The following ITPA variants were observed in gnomAD, a reference collection of about 807,000 sequenced individuals.
The protein encoded by ITPA is inosine triphosphatase.
ITPA carries 29 observed loss-of-function variants against 29.6 expected under a neutral mutation model. That is an observed-to-expected ratio of 0.98 (90% CI 0.73 to 1.34). The LOEUF (loss-of-function observed/expected upper bound fraction) is 1.34. Among genes scored for constraint, ITPA ranks in the 40% most tolerant of loss-of-function variants. ITPA has a pLI of 0.00. For synonymous variants in ITPA, 103 were observed against 99.3 expected (o/e 1.04, Z -0.22); for missense variants, 241 against 251.5 (o/e 0.96, Z 0.28).
At position 3,209,509 on chromosome 20, in the gene ITPA, C is replaced by G. The variant is rs758142239; in HGVS notation, c.-43C>G. On this transcript the variant is annotated 5_prime_UTR_variant, in exon 1 of 8. Coordinates refer to ENST00000380113, the MANE Select transcript of ITPA (RefSeq NM_033453.4). The surrounding 1 kb of genome is among the most constrained non-coding windows in gnomAD (Gnocchi z 4.6). ...GCCGGAAGTTTTCTGTCACTGGACG[C>G]CAAGGAGTTTTCGGTGGCTCAGCTG... is the stretch of plus-strand genomic sequence containing the variant. 1.0e-5 allele frequency: 16 copies of G among 1,583,174 alleles called. No homozygotes were observed. The Admixed American group carries it at 2.7e-4, about 26-fold the overall frequency.
At chr20:3,218,892 GT>G in intron 6 of ITPA, 2 of 540,330 alleles carry the variant, frequency 3.7e-6, no homozygotes, top group East Asian at 6.5e-5. Context: ...CAATGGAAGT[GT>G]TGTCAATTCT....
chr20:3,222,737 C>G (rs1200236195), intron 7 of ITPA, among the ~76,000 whole-genome samples: 1 of 152,234 alleles, frequency 6.6e-6, no homozygotes, highest in East Asian at 1.9e-4. Context: ...CCACAATAGC[C>G]CCAGCAGGGG....
chr20:3,225,627 A>G (rs144470553), downstream of ITPA, among the ~76,000 whole-genome samples: 823 of 152,326 alleles, frequency 5.4e-3, 8 homozygotes, highest in Middle Eastern at 0.034. Flanking sequence ...AATTCTCCGT[A>G]ATAGCCTTTT....
chr20:3,208,124 T>C (rs2067096469), upstream of ITPA, among the ~76,000 whole-genome samples: 2 of 152,140 alleles, frequency 1.3e-5, no homozygotes, highest in East Asian at 3.9e-4. Flanking sequence ...GTCAGTGCTA[T>C]GCAAGCAGAT....
At chr20:3,217,716 G>T (rs1015189366) in intron 5 of ITPA, among the ~76,000 whole-genome samples, 1 of 152,090 alleles carries the variant, frequency 6.6e-6, no homozygotes, top group Non-Finnish European at 1.5e-5. Context: ...CAACCCACCC[G>T]CCTTGGCCTC....
chr20:3,209,408 G>A, upstream of ITPA: 1 of 797,108 alleles, frequency 1.3e-6, no homozygotes, highest in Non-Finnish European at 2.2e-6. The surrounding 1 kb of genome is among the most constrained non-coding windows in gnomAD (Gnocchi z 4.6). Flanking sequence ...CCACTCGCCC[G>A]ATACGCGCCT....
chr20:3,208,689 C>T (rs1310630088), upstream of ITPA, among the ~76,000 whole-genome samples: 2 of 152,184 alleles, frequency 1.3e-5, no homozygotes, highest in Non-Finnish European at 2.9e-5. Context: ...CTTTGATGAG[C>T]ATCAGAATGG....
At chr20:3,206,918 G>C (rs2067075186), upstream of ITPA, among the ~76,000 whole-genome samples, 1 of 152,034 alleles carries the variant, frequency 6.6e-6, no homozygotes, top group African/African-American at 2.4e-5. Flanking sequence ...GGAGGCTGAG[G>C]TGGGAGAACT....
At chr20:3,218,880 G>A (rs964699040) in intron 6 of ITPA, 7 of 560,814 alleles carry the variant, frequency 1.2e-5, no homozygotes, top group African/African-American at 7.5e-5. Context: ...CCCTGGGCAG[G>A]ACAATGGAAG....
upstream of ITPA, among the ~76,000 whole-genome samples, chr20:3,206,294 A>G (rs898859784): frequency 6.8e-6 from 1 of 147,066 alleles, no homozygotes; most frequent in African/African-American, 2.5e-5. Flanking sequence ...AGGCTGAGGC[A>G]GGAGAATCTC....
In ITPA at chr20:3,213,309, C is replaced by A; in HGVS notation, c.125-10C>A. On this transcript the variant is annotated splice_polypyrimidine_tract_variant and intron_variant, in intron 2 of 7. Transcript: ENST00000380113. Reference sequence around the variant, plus strand: ...GACCTGACTTTCTGTGTGTCTGTTTCCCTGATAAGTGCCGGAGTACCAGGG... The same window carrying A: ...GACCTGACTTTCTGTGTGTCTGTTTACCTGATAAGTGCCGGAGTACCAGGG... The A allele has an allele frequency of 6.2e-7, 1 of 1,614,104 alleles. No homozygotes were observed.
intron 7 of ITPA, among the ~76,000 whole-genome samples, chr20:3,222,184 C>T (rs758719165): frequency 6.6e-6 from 1 of 151,304 alleles, no homozygotes; most frequent in Non-Finnish European, 1.5e-5. Flanking sequence ...CCAGTGGTTT[C>T]GCCTTTCTGG....
chr20:3,204,528 A>T (rs41281856), upstream of ITPA: 230,068 of 1,554,756 alleles, frequency 0.15, 18,627 homozygotes, highest in Non-Finnish European at 0.16. Flanking sequence ...GTGCAGCGGC[A>T]TCTCCTACCT....
upstream of ITPA, chr20:3,209,487 G>A: frequency 6.8e-7 from 1 of 1,469,906 alleles, no homozygotes; most frequent in Non-Finnish European, 9.5e-7. This position sits in a 1 kb window ranked among gnomAD's most constrained non-coding sequence, Gnocchi z 4.6. Flanking sequence ...GCCACCAGCC[G>A]GAAGTTTTCT....
At chr20:3,211,152 C>T (rs2067162951) in intron 1 of ITPA, among the ~76,000 whole-genome samples, 1 of 146,638 alleles carries the variant, frequency 6.8e-6, no homozygotes, top group Non-Finnish European at 1.5e-5. Context: ...AACACTTGGC[C>T]TAGAACAGGT....
downstream of ITPA, among the ~76,000 whole-genome samples, chr20:3,226,257 G>T (rs1322408048): frequency 6.6e-6 from 1 of 152,152 alleles, no homozygotes; most frequent in Non-Finnish European, 1.5e-5. The surrounding 1 kb of genome is among the most constrained non-coding windows in gnomAD (Gnocchi z 4.4). Flanking sequence ...CAGTTAGGTT[G>T]AATTGAATTG....
chr20:3,212,435 C>T (rs930585391), intron 1 of ITPA, among the ~76,000 whole-genome samples: 12 of 152,010 alleles, frequency 7.9e-5, no homozygotes, highest in African/African-American at 4.8e-5. Flanking sequence ...ATCCTCCTGC[C>T]CCAGCCTCTT....
intron 5 of ITPA, among the ~76,000 whole-genome samples, chr20:3,216,731 C>T (rs753328702): frequency 2.0e-5 from 3 of 152,046 alleles, no homozygotes; most frequent in Admixed American, 6.6e-5. Context: ...GGTTTACAGG[C>T]GTGATCCACT....
chr20:3,221,016 G>C (rs905597043), intron 6 of ITPA, among the ~76,000 whole-genome samples: 1 of 152,024 alleles, frequency 6.6e-6, no homozygotes, highest in Non-Finnish European at 1.5e-5. Flanking sequence ...CCACCAGGTA[G>C]CTGGGACTAC....
Sources: allele counts gnomAD v4.1 joint callset (sites outside exome capture counted in the v4.1 genomes callset), GRCh38; gene constraint gnomAD v4.1.1; non-coding constraint Gnocchi (gnomAD v3.1); transcripts MANE v1.5; gene names NCBI Gene and HGNC (gene_info 2026-07-23, HGNC 2026-07-21).